MARCHF1: variants seen among roughly 807,000 people sequenced by gnomAD.
MARCHF1 encodes E3 ubiquitin-protein ligase MARCHF1.
In MARCHF1, 40 loss-of-function variants were observed where a neutral mutation model predicts 54.2. The ratio of observed to expected loss-of-function variants is 0.74; its 90% CI spans 0.57 to 0.96. The LOEUF (loss-of-function observed/expected upper bound fraction) is 0.96, where lower values mean the gene tolerates loss of function less well. MARCHF1 is among the 40% of genes least tolerant of loss of function. MARCHF1 has a pLI of 0.00. For missense variants in MARCHF1, 586 were observed against 656.5 expected (o/e 0.89, Z 1.17); for synonymous variants, 236 against 236.3 (o/e 1.00, Z 0.01).
intron 3 of MARCHF1, among the ~76,000 whole-genome samples, chr4:163,947,990 A>G (rs1355724477): frequency 3.3e-5 from 5 of 152,188 alleles, no homozygotes; most frequent in East Asian, 1.9e-4. Context: ...ATTCCCCCAA[A>G]GTAGATTTCT....
At chr4:163,932,306 C>A (rs554050914) in intron 3 of MARCHF1, among the ~76,000 whole-genome samples, 152 of 152,274 alleles carry the variant, frequency 1.0e-3, no homozygotes, top group African/African-American at 3.5e-3. Context: ...CTTTCTTTCA[C>A]AAAATATTTC....
At chr4:163,713,907 T>C (rs1745182709) in intron 4 of MARCHF1, among the ~76,000 whole-genome samples, 1 of 152,182 alleles carries the variant, frequency 6.6e-6, no homozygotes, top group Non-Finnish European at 1.5e-5. Flanking sequence ...TATGTGCCTA[T>C]TGTAAACAGG....
At chr4:163,757,069 T>C (rs1028124659) in intron 4 of MARCHF1, among the ~76,000 whole-genome samples, 32 of 152,216 alleles carry the variant, frequency 2.1e-4, no homozygotes, top group African/African-American at 7.2e-4. Context: ...AATTGAAATA[T>C]TTTTTCCTTA....
intron 8 of MARCHF1, among the ~76,000 whole-genome samples, chr4:163,548,359 T>C (rs762746778): frequency 6.9e-6 from 1 of 144,664 alleles, no homozygotes; most frequent in Non-Finnish European, 1.5e-5. Flanking sequence ...AATTATAAAA[T>C]TGGCTTAAAA....
chr4:164,085,022 T>C (rs1579520453), intron 2 of MARCHF1, among the ~76,000 whole-genome samples: 1 of 151,944 alleles, frequency 6.6e-6, no homozygotes, highest in South Asian at 2.1e-4. Context: ...TATCACTTCC[T>C]ATGTTCTATA....
intron 5 of MARCHF1, among the ~76,000 whole-genome samples, chr4:163,687,779 G>A (rs1022611142): frequency 6.6e-6 from 1 of 152,116 alleles, no homozygotes; most frequent in Non-Finnish European, 1.5e-5. Context: ...GACAATAAGG[G>A]AAACAATGCA....
chr4:164,138,164 T>A (rs71616618), intron 1 of MARCHF1, among the ~76,000 whole-genome samples: 7,789 of 152,202 alleles, frequency 0.051, 245 homozygotes, highest in Middle Eastern at 0.14. Flanking sequence ...GACATTTTCA[T>A]TTATTAAGTT....
At chr4:164,238,440 G>T in intron 1 of MARCHF1, among the ~76,000 whole-genome samples, 1 of 151,992 alleles carries the variant, frequency 6.6e-6, no homozygotes, top group South Asian at 2.1e-4. Flanking sequence ...GACTTTACAA[G>T]GAAAGAACTG....
chr4:163,672,781 T>C (rs900148758), intron 5 of MARCHF1, among the ~76,000 whole-genome samples: 4 of 152,206 alleles, frequency 2.6e-5, no homozygotes, highest in African/African-American at 9.6e-5. Flanking sequence ...TTGTCTTCTC[T>C]CTGGAGACTG....
At chr4:163,847,240 T>C (rs1749510417) in intron 4 of MARCHF1, among the ~76,000 whole-genome samples, 1 of 151,804 alleles carries the variant, frequency 6.6e-6, no homozygotes, top group African/African-American at 2.4e-5. Context: ...TTTTGTAAGT[T>C]TGAAACTTTA....
intron 2 of MARCHF1, among the ~76,000 whole-genome samples, chr4:164,029,329 A>G (rs1448217905): frequency 6.6e-6 from 1 of 152,000 alleles, no homozygotes; most frequent in Non-Finnish European, 1.5e-5. Context: ...CAGGAGGGAG[A>G]GAGAGAGCAG....
intron 1 of MARCHF1, among the ~76,000 whole-genome samples, chr4:164,373,666 T>G (rs1211760429): frequency 2.0e-5 from 3 of 152,050 alleles, no homozygotes; most frequent in African/African-American, 4.8e-5. Context: ...AAAAACCACT[T>G]TATATAACAA....
chr4:163,719,688 A>C (rs544542865), intron 4 of MARCHF1, among the ~76,000 whole-genome samples: 1 of 151,524 alleles, frequency 6.6e-6, no homozygotes, highest in African/African-American at 2.4e-5. Context: ...CCTCTCCAGC[A>C]CCTGTTGTTT....
chr4:163,933,155 A>G (rs370488533), intron 3 of MARCHF1: 2 of 848,034 alleles, frequency 2.4e-6, no homozygotes. Context: ...CATCCAAAAG[A>G]CAGCACCCTC....
chr4:163,876,404 G>A (rs972179688), intron 3 of MARCHF1, among the ~76,000 whole-genome samples: 1 of 152,126 alleles, frequency 6.6e-6, no homozygotes, highest in East Asian at 1.9e-4. Flanking sequence ...AGATTATAAA[G>A]ATTGACTTCA....
intron 1 of MARCHF1, among the ~76,000 whole-genome samples, chr4:164,241,046 A>G (rs1468017222): frequency 6.6e-6 from 1 of 152,092 alleles, no homozygotes; most frequent in Non-Finnish European, 1.5e-5. Context: ...CGTAAAACCT[A>G]AGATTGGTCT....
chr4:163,688,806 C>CT (rs1744352582), intron 5 of MARCHF1, among the ~76,000 whole-genome samples: 1 of 152,040 alleles, frequency 6.6e-6, no homozygotes, highest in African/African-American at 2.4e-5. Flanking sequence ...TAATGATGGA[C>CT]GGATAGACTT....
intron 1 of MARCHF1, among the ~76,000 whole-genome samples, chr4:164,338,092 A>T (rs1447407652): frequency 6.6e-6 from 1 of 152,228 alleles, no homozygotes; most frequent in African/African-American, 2.4e-5. Context: ...ATATTAAGGG[A>T]TATAAATTTT....
intron 4 of MARCHF1, among the ~76,000 whole-genome samples, chr4:163,715,628 A>G (rs1395294310): frequency 1.3e-5 from 2 of 152,214 alleles, no homozygotes; most frequent in African/African-American, 2.4e-5. Flanking sequence ...TTTTAATCTC[A>G]GTGGAAATTA....
Sources: allele counts gnomAD v4.1 joint callset (sites outside exome capture counted in the v4.1 genomes callset), GRCh38; gene constraint gnomAD v4.1.1; transcripts MANE v1.5; gene names NCBI Gene and HGNC (gene_info 2026-07-23, HGNC 2026-07-21).